NEMP2: variants seen among roughly 807,000 people sequenced by gnomAD.
The protein encoded by NEMP2 is UPF0571 transmembrane protein.
Under a neutral mutation model 54.2 loss-of-function variants are expected in NEMP2, and 53 were observed. The observed-to-expected ratio is 0.98, with a 90% CI of 0.78 to 1.23. The LOEUF is 1.23. NEMP2 is among the 50% of genes most tolerant of loss of function. The pLI, the probability that NEMP2 is intolerant of heterozygous loss-of-function variation, is 0.00. For synonymous variants in NEMP2, 197 were observed against 190.3 expected (o/e 1.04, Z -0.29); for missense variants, 455 against 511.3 (o/e 0.89, Z 1.06).
At chr2:190,502,634 A>G (rs1690075471), downstream of NEMP2, among the ~76,000 whole-genome samples, 3 of 152,358 alleles carry the variant, frequency 2.0e-5, 1 homozygote, top group South Asian at 6.2e-4. The surrounding 1 kb of genome is among the most constrained non-coding windows in gnomAD (Gnocchi z 4.4). Context: ...GCCATGGGTC[A>G]CATGAAGTGG....
the NEMP2 span, among the ~76,000 whole-genome samples, chr2:190,601,387 G>A: frequency 1.8e-4 from 28 of 152,216 alleles, no homozygotes; most frequent in African/African-American, 6.5e-4. The surrounding 1 kb of genome is among the most constrained non-coding windows in gnomAD (Gnocchi z 5.8). Flanking sequence ...TAAGCCGCTC[G>A]CTTTGTGGTG....
chr2:190,460,338 A>C, the NEMP2 span, among the ~76,000 whole-genome samples: 1 of 152,156 alleles, frequency 6.6e-6, no homozygotes, highest in Non-Finnish European at 1.5e-5. Context: ...TTTTAAGTCC[A>C]TTCATTCTTT....
chr2:190,479,906 A>G, the NEMP2 span, among the ~76,000 whole-genome samples: 1 of 152,308 alleles, frequency 6.6e-6, no homozygotes, highest in South Asian at 2.1e-4. Context: ...GACATTTATA[A>G]AGCGTTATTC....
Position 190,510,610 on chromosome 2 carries a change from C to T in NEMP2, c.954-73G>A, listed in dbSNP as rs1310444942. The T allele has an allele frequency of 1.5e-5, 23 of 1,483,952 alleles. No homozygotes were observed. Among genetic ancestry groups the T allele is most frequent in the Middle Eastern group, 3.4e-4 (2 of 5,854 alleles). The allele number at this position is 1,483,952 out of a possible 1,614,324, so 91.9% of individuals were successfully genotyped here. The stretch of plus-strand genomic sequence containing the variant: ...AAGATTTACAAAAATAGGCCAGGCT[C>T]GGTGGCTCACGCCTGTAATCCAGCA... On this transcript the variant is annotated intron_variant, in intron 7 of 8. Transcript: ENST00000409150. This position sits in a 1 kb window ranked among gnomAD's most constrained non-coding sequence, Gnocchi z 5.7.
chr2:190,517,131 A>G (rs1690589958), intron 5 of NEMP2, among the ~76,000 whole-genome samples: 1 of 151,470 alleles, frequency 6.6e-6, no homozygotes, highest in Non-Finnish European at 1.5e-5. Flanking sequence ...TTGGGGAACT[A>G]ATAATAATAA....
the NEMP2 span, chr2:190,628,046 T>A: frequency 1.3e-5 from 2 of 152,272 alleles, no homozygotes; most frequent in Admixed American, 1.3e-4. The surrounding 1 kb of genome is among the most constrained non-coding windows in gnomAD (Gnocchi z 4.1). Context: ...CTCCAGCTGC[T>A]CCCCTGGCAG....
chr2:190,567,870 A>C, the NEMP2 span, among the ~76,000 whole-genome samples: 1 of 152,114 alleles, frequency 6.6e-6, no homozygotes, highest in Non-Finnish European at 1.5e-5. The surrounding 1 kb of genome is among the most constrained non-coding windows in gnomAD (Gnocchi z 4.0). Flanking sequence ...GATGGTCTCG[A>C]TCTCTTGACC....
At chr2:190,462,545 A>T in the NEMP2 span, among the ~76,000 whole-genome samples, 837 of 152,314 alleles carry the variant, frequency 5.5e-3, 1 homozygote, top group Middle Eastern at 0.01. The surrounding 1 kb of genome is among the most constrained non-coding windows in gnomAD (Gnocchi z 5.7). Flanking sequence ...TTGAGTACAA[A>T]GAGGAAGAAG....
chr2:190,567,118 T>TA, the NEMP2 span, among the ~76,000 whole-genome samples: 1 of 151,990 alleles, frequency 6.6e-6, no homozygotes, highest in South Asian at 2.1e-4. This position sits in a 1 kb window ranked among gnomAD's most constrained non-coding sequence, Gnocchi z 4.0. Context: ...ATCTATAAAA[T>TA]AAAAGCAGAA....
At chr2:190,590,085 T>C in the NEMP2 span, among the ~76,000 whole-genome samples, 2 of 152,080 alleles carry the variant, frequency 1.3e-5, no homozygotes, top group Non-Finnish European at 2.9e-5. This position sits in a 1 kb window ranked among gnomAD's most constrained non-coding sequence, Gnocchi z 5.1. Flanking sequence ...AAAGTAAAGG[T>C]CTCTATGCTC....
chr2:190,618,890 ACT>A, the NEMP2 span, among the ~76,000 whole-genome samples: 1 of 152,028 alleles, frequency 6.6e-6, no homozygotes, highest in Non-Finnish European at 1.5e-5. Flanking sequence ...CTTTTTACGT[ACT>A]CTGTGATTGC....
the NEMP2 span, among the ~76,000 whole-genome samples, chr2:190,581,419 ATAT>A: frequency 3.3e-5 from 5 of 152,208 alleles, no homozygotes; most frequent in Admixed American, 6.6e-5. Context: ...ACGAACTACC[ATAT>A]TATTATGTAA....
chr2:190,588,742 A>C, the NEMP2 span, among the ~76,000 whole-genome samples: 2 of 152,132 alleles, frequency 1.3e-5, no homozygotes, highest in African/African-American at 4.8e-5. This position sits in a 1 kb window ranked among gnomAD's most constrained non-coding sequence, Gnocchi z 5.0. Flanking sequence ...AATTGAGAAG[A>C]GCTGTCCAAA....
chr2:190,438,157 A>G, the NEMP2 span, among the ~76,000 whole-genome samples: 1 of 152,004 alleles, frequency 6.6e-6, no homozygotes, highest in Non-Finnish European at 1.5e-5. This position sits in a 1 kb window ranked among gnomAD's most constrained non-coding sequence, Gnocchi z 5.2. Flanking sequence ...CCATGAAGAC[A>G]TAGGATATTT....
chr2:190,500,371 A>C, downstream of NEMP2: 1 of 741,384 alleles, frequency 1.3e-6, no homozygotes, highest in Non-Finnish European at 2.2e-6. The surrounding 1 kb of genome is among the most constrained non-coding windows in gnomAD (Gnocchi z 5.3). Context: ...AAACACACAC[A>C]CAGGAGCTAC....
chr2:190,537,983 T>G (rs1393188706), upstream of NEMP2, among the ~76,000 whole-genome samples: 2 of 152,172 alleles, frequency 1.3e-5, no homozygotes, highest in Non-Finnish European at 2.9e-5. Flanking sequence ...CTGTGGTTCC[T>G]TTTATACTGA....
chr2:190,433,678 A>G, the NEMP2 span, among the ~76,000 whole-genome samples: 59 of 152,216 alleles, frequency 3.9e-4, no homozygotes, highest in Non-Finnish European at 5.9e-4. This position sits in a 1 kb window ranked among gnomAD's most constrained non-coding sequence, Gnocchi z 4.5. Context: ...TTACAGCTAC[A>G]TTGACATCTG....
At chr2:190,435,280 G>A in the NEMP2 span, 3 of 152,178 alleles carry the variant, frequency 2.0e-5, no homozygotes, top group Non-Finnish European at 4.4e-5. Context: ...GAATATGAAT[G>A]AATACATGTA....
chr2:190,519,601 T>C lies in NEMP2; in HGVS notation c.214-418A>G, dbSNP rs1399497397. 2.6e-5 allele frequency among the ~76,000 whole-genome samples: 4 copies of C among 152,192 alleles called. No homozygotes were observed. Among genetic ancestry groups the C allele is most frequent in the Non-Finnish European group, 4.4e-5 (3 of 68,032 alleles). ...GTCAGCTGAAAAAAGAATACTCAAA[T>C]GCGCAGGGTAGAGTTCTATGTTCTG... is the stretch of plus-strand genomic sequence containing the variant. On this transcript the variant is annotated intron_variant, in intron 2 of 8. Coordinates refer to ENST00000409150, the MANE Select transcript of NEMP2 (RefSeq NM_001142645.2). The surrounding 1 kb of genome is among the most constrained non-coding windows in gnomAD (Gnocchi z 5.4).
Sources: gnomAD v4.1 joint callset for allele counts (sites outside exome capture counted in the v4.1 genomes callset) on GRCh38, gnomAD v4.1.1 for gene constraint, Gnocchi (gnomAD v3.1) non-coding constraint, MANE v1.5 for transcripts, NCBI Gene and HGNC (gene_info 2026-07-23, HGNC 2026-07-21) for gene names.